Variants in RNF138 observed in about 807,000 individuals in gnomAD.
The protein encoded by RNF138 is E3 ubiquitin-protein ligase RNF138.
RNF138 carries 12 observed loss-of-function variants against 31.0 expected under a neutral mutation model. That is an observed-to-expected ratio of 0.39 (90% CI 0.25 to 0.63). The LOEUF (loss-of-function observed/expected upper bound fraction) is 0.63. Among genes scored for constraint, RNF138 ranks in the 20% least tolerant of loss-of-function variants. RNF138 has a pLI of 0.52. For synonymous variants in RNF138, 105 were observed against 99.5 expected (o/e 1.06, Z -0.33); for missense variants, 192 against 300.1 (o/e 0.64, Z 2.66).
chr18:32,107,136 T>G (rs1303101681), intron 2 of RNF138, among the ~76,000 whole-genome samples: 2 of 146,584 alleles, frequency 1.4e-5, no homozygotes, highest in African/African-American at 2.5e-5. Context: ...TTTTTTTTTT[T>G]TGGAGACGGA....
chr18:32,118,106 CTT>C (rs1384346058), intron 4 of RNF138, among the ~76,000 whole-genome samples: 2 of 152,168 alleles, frequency 1.3e-5, no homozygotes, highest in African/African-American at 2.4e-5. Context: ...TACCAGCAGT[CTT>C]TTATTTTTCC....
rs1306686290 is a variant in RNF138, at chr18:32,113,820, A to G, written c.352A>G (p.Ile118Val). 3.2e-6 allele frequency: 5 copies of G among 1,566,372 alleles called. No individual in the cohort carries two copies. The highest frequency in any genetic ancestry group is 2.4e-5 in the South Asian group (2 of 84,652). Residue 118 changes from isoleucine to valine, a missense_variant, in exon 4 of 8, where the codon ATT (isoleucine) becomes GTT (valine). Ile to Val is a conservative substitution (Grantham distance 29). This residue lies in a region of RNF138 where 140 missense variants were observed against 251.7 expected (regional missense o/e 0.56). Coordinates refer to ENST00000261593, the MANE Select transcript of RNF138 (RefSeq NM_016271.5). Reference protein sequence around the residue: ...YQDEYGVSSIIPNFQISQDSV... With the variant: ...YQDEYGVSSIVPNFQISQDSV... ...GGATGAATATGGTGTTTCTTCTATC[A>G]TTCCAAACTTTCAGATCTCTCAAGA...
chr18:32,110,192 T>C (rs2144593387), intron 2 of RNF138, among the ~76,000 whole-genome samples: 1 of 152,184 alleles, frequency 6.6e-6, no homozygotes, highest in South Asian at 2.1e-4. Context: ...AGGGTCTTGC[T>C]ATGTTGCCCA....
chr18:32,092,704 TCGGGCCC>T lies in RNF138; in HGVS notation c.-66_-60del, dbSNP rs2144550131. 1.1e-6 allele frequency: 1 copy of T among 880,650 alleles called. No homozygotes were observed. Among genetic ancestry groups the T allele is most frequent in the Admixed American group, 2.1e-5 (1 of 48,348 alleles). The allele number at this position is 880,650 out of a possible 1,614,324, so 54.6% of individuals were successfully genotyped here. Reference sequence around the variant, plus strand: ...CCCCCCTCCGGGTTCATGTAGGGAGTCGGGCCCCGGGCCGCCACCGTCACCTCGGCCG... The same window carrying T: ...CCCCCCTCCGGGTTCATGTAGGGAGTCGGGCCGCCACCGTCACCTCGGCCG... On this transcript the variant is annotated 5_prime_UTR_variant, in exon 2 of 8. Coordinates refer to ENST00000261593, the MANE Select transcript of RNF138 (RefSeq NM_016271.5).
At chr18:32,110,780 T>C (rs1469522856) in intron 2 of RNF138, among the ~76,000 whole-genome samples, 2 of 151,988 alleles carry the variant, frequency 1.3e-5, no homozygotes, top group Non-Finnish European at 2.9e-5. Flanking sequence ...TTATAAATGT[T>C]TAATCTTTTT....
chr18:32,120,545 T>C (rs2040287359), intron 4 of RNF138, among the ~76,000 whole-genome samples: 1 of 152,172 alleles, frequency 6.6e-6, no homozygotes, highest in African/African-American at 2.4e-5. Flanking sequence ...AATCATAAGT[T>C]TTTAAAAAAA....
intron 2 of RNF138, among the ~76,000 whole-genome samples, chr18:32,101,008 A>G (rs2039928602): frequency 6.6e-6 from 1 of 152,192 alleles, no homozygotes; most frequent in Admixed American, 6.5e-5. Context: ...GTGGGTGAGT[A>G]TCGATGACCC....
At chr18:32,109,589 A>G (rs2040093254) in intron 2 of RNF138, 2 of 152,092 alleles carry the variant, frequency 1.3e-5, no homozygotes, top group Non-Finnish European at 1.5e-5. Flanking sequence ...TACTTTTACT[A>G]TTTTTAAAAC....
intron 4 of RNF138, among the ~76,000 whole-genome samples, chr18:32,121,644 T>A (rs1254390095): frequency 6.6e-6 from 1 of 152,224 alleles, no homozygotes. Flanking sequence ...ACCCAGTGAT[T>A]ATATTAATTT....
chr18:32,098,048 C>T (rs926942904), intron 2 of RNF138, among the ~76,000 whole-genome samples: 22 of 151,542 alleles, frequency 1.5e-4, no homozygotes, highest in African/African-American at 5.3e-4. Context: ...TGCAGTGGTG[C>T]GGTCTTGGCT....
intron 3 of RNF138, among the ~76,000 whole-genome samples, chr18:32,112,755 AACAAAT>A (rs2040154043): frequency 6.6e-6 from 1 of 152,240 alleles, no homozygotes. Flanking sequence ...ATCAGGTGTT[AACAAAT>A]AACCAGCATT....
At chr18:32,100,203 T>G (rs751634527) in intron 2 of RNF138, among the ~76,000 whole-genome samples, 5 of 125,750 alleles carry the variant, frequency 4.0e-5, no homozygotes, top group South Asian at 2.2e-4. Flanking sequence ...GTGATTGAGA[T>G]ATATATATAT....
At chr18:32,110,497 G>C (rs2040109230) in intron 2 of RNF138, among the ~76,000 whole-genome samples, 1 of 152,160 alleles carries the variant, frequency 6.6e-6, no homozygotes, top group African/African-American at 2.4e-5. Flanking sequence ...ATATTAGAGG[G>C]AAAAACTGAC....
intron 2 of RNF138, among the ~76,000 whole-genome samples, chr18:32,105,451 A>G (rs1027270020): frequency 1.3e-5 from 2 of 152,226 alleles, no homozygotes; most frequent in Non-Finnish European, 2.9e-5. Flanking sequence ...GAGTCCAGAA[A>G]TAGTTCCACA....
Position 32,124,856 on chromosome 18 carries a change from AC to A in RNF138, c.561+12del. 1.6e-6 allele frequency: 2 copies of A among 1,225,966 alleles called. No individual in the cohort carries two copies. The highest frequency in any genetic ancestry group is 2.4e-6 in the Non-Finnish European group (2 of 826,394). 75.9% of individuals were successfully genotyped at this position (1,225,966 alleles called of 1,614,324 possible). A position where few individuals can be genotyped will look rare whatever the true frequency, so the allele number is the denominator to read the frequency against. ...CAGATAGTTCCTGTGGTAAGTACAT[AC>A]GTTTGAGACAGTCTTCTGCTTAGAA... is the stretch of plus-strand genomic sequence containing the variant. On this transcript the variant is annotated intron_variant, in intron 6 of 7. Coordinates refer to ENST00000261593, the MANE Select transcript of RNF138 (RefSeq NM_016271.5).
At chr18:32,102,709 T>C (rs934430827) in intron 2 of RNF138, among the ~76,000 whole-genome samples, 3 of 151,828 alleles carry the variant, frequency 2.0e-5, no homozygotes, top group Non-Finnish European at 2.9e-5. Context: ...CTCGGCTCAC[T>C]GAAACCTCCA....
At chr18:32,118,977 A>T (rs1568237749) in intron 4 of RNF138, among the ~76,000 whole-genome samples, 1 of 152,154 alleles carries the variant, frequency 6.6e-6, no homozygotes, top group Non-Finnish European at 1.5e-5. Context: ...TTTTCTTTTT[A>T]TATCATGCCT....
intron 2 of RNF138, 135 bp downstream of exon 2, chr18:32,093,021 C>G (rs924283460): frequency 1.2e-5 from 6 of 481,096 alleles, no homozygotes; most frequent in Middle Eastern, 1.1e-3. Flanking sequence ...CCCGCGAGGT[C>G]CCGTTCCCCG....
chr18:32,129,128 C>A lies in RNF138; in HGVS notation c.679C>A (p.Leu227Ile). 1 of 1,608,622 alleles carries A rather than the reference C, an allele frequency of 6.2e-7. No homozygotes were observed. Among genetic ancestry groups the A allele is most frequent in the South Asian group, 1.1e-5 (1 of 90,974 alleles). The stretch of plus-strand genomic sequence containing the variant: ...ATGTTATTGTTTTTAGAATCTTCAG[C>A]TAGATGAAGAAACCCAATACCAAAC... Reference protein sequence around the residue: ...FDYGEFVNLQLDEETQYQTAV... With the variant: ...FDYGEFVNLQIDEETQYQTAV... The change falls in exon 8 of 8, where the codon CTA becomes ATA. Residue 227 changes from leucine (L) to isoleucine (I), a missense_variant. Physicochemically the swap from Leu to Ile is conservative, Grantham distance 5. Transcript: ENST00000261593.
Sources: allele counts gnomAD v4.1 joint callset (sites outside exome capture counted in the v4.1 genomes callset), GRCh38; gene constraint gnomAD v4.1.1; regional missense constraint gnomAD v4.1.1; transcripts MANE v1.5; gene names NCBI Gene and HGNC (gene_info 2026-07-23, HGNC 2026-07-21).